ANKMY1: variants seen among roughly 807,000 people sequenced by gnomAD.
The protein encoded by ANKMY1 is ankyrin repeat and MYND domain containing 1, also known as ankyrin repeat and MYND domain-containing protein 1.
ANKMY1 carries 98 observed loss-of-function variants against 102.0 expected under a neutral mutation model. That is an observed-to-expected ratio of 0.96 (90% CI 0.82 to 1.14). The LOEUF (loss-of-function observed/expected upper bound fraction) is 1.14. Ranked by LOEUF, ANKMY1 falls within the 50% of genes most tolerant of loss-of-function variation. ANKMY1 has a pLI of 0.00. For missense variants in ANKMY1, 1,330 were observed against 1,347.6 expected, an observed-to-expected ratio of 0.99 and a Z score of 0.20; for synonymous variants, 582 against 559.9, an observed-to-expected ratio of 1.04 and a Z score of -0.56.
Position 240,479,530 on chromosome 2 carries a change from T to C in ANKMY1, c.*79A>G. 2 of 1,503,598 alleles carry C rather than the reference T, an allele frequency of 1.3e-6. No individual in the cohort carries two copies. Among genetic ancestry groups the C allele is most frequent in the African/African-American group, 1.4e-5 (1 of 72,640 alleles). 93.1% of individuals were successfully genotyped at this position (1,503,598 alleles called of 1,614,324 possible). A position where few individuals can be genotyped will look rare whatever the true frequency, so the allele number is the denominator to read the frequency against. On this transcript the variant is annotated 3_prime_UTR_variant, in exon 18 of 18. Coordinates refer to ENST00000401804, the MANE Select transcript of ANKMY1 (RefSeq NM_001282771.3). ...GAAATGCCTGCATTAGGCTGGAAGA[T>C]TCCCTGAGGTGGCTCAGGCAGGTAA...
intron 13 of ANKMY1, among the ~76,000 whole-genome samples, chr2:240,502,589 C>T (rs1050617541): frequency 2.0e-5 from 3 of 152,020 alleles, no homozygotes. Context: ...ACCACAGCCC[C>T]TCCCCATCTG....
At chr2:240,482,539 T>C (rs2075538354) in intron 15 of ANKMY1, among the ~76,000 whole-genome samples, 1 of 152,254 alleles carries the variant, frequency 6.6e-6, no homozygotes, top group Non-Finnish European at 1.5e-5. Flanking sequence ...CATTTCAAAG[T>C]GTTTCAAATT....
chr2:240,540,062 A>C (rs2088257817), intron 4 of ANKMY1, among the ~76,000 whole-genome samples: 1 of 152,238 alleles, frequency 6.6e-6, no homozygotes, highest in Non-Finnish European at 1.5e-5. Context: ...CAGGCCATCA[A>C]TCTTGCTATG....
upstream of ANKMY1, chr2:240,560,355 C>T: frequency 4.4e-6 from 1 of 225,048 alleles, no homozygotes; most frequent in Non-Finnish European, 8.6e-6. Context: ...CGCCCAAGAG[C>T]CACAGACGCA....
chr2:240,499,960 C>T lies in ANKMY1; in HGVS notation c.2804G>A (p.Arg935Lys), dbSNP rs750526880. 1.9e-6 allele frequency: 3 copies of T among 1,612,034 alleles called. No individual in the cohort carries two copies. The highest frequency in any genetic ancestry group is 3.3e-5 in the Admixed American group (2 of 59,902). The change falls in exon 15 of 18, where the codon AGA becomes AAA. Residue 935 changes from arginine (R) to lysine (K), a missense_variant and splice_region_variant. By Grantham distance (26) the Arg-to-Lys change is conservative. Coordinates refer to ENST00000401804, the MANE Select transcript of ANKMY1 (RefSeq NM_001282771.3). The surrounding 1 kb of genome is among the most constrained non-coding windows in gnomAD (Gnocchi z 4.2). ...WDPTWLYLCK[R>K]AELIPSHRMK... The stretch of plus-strand genomic sequence containing the variant: ...GCAGAGCAGGGCCCACTGCTCACCT[C>T]TCTTGCACAGGTACAGCCACGTGGG...
At chr2:240,528,368 G>A (rs2084399208) in intron 5 of ANKMY1, among the ~76,000 whole-genome samples, 2 of 150,118 alleles carry the variant, frequency 1.3e-5, no homozygotes, top group South Asian at 2.1e-4. Context: ...TAGGGTAGGA[G>A]GGTTTTTGGA....
intron 4 of ANKMY1, among the ~76,000 whole-genome samples, chr2:240,546,209 C>T (rs2090338324): frequency 6.6e-6 from 1 of 152,090 alleles, no homozygotes; most frequent in Non-Finnish European, 1.5e-5. Flanking sequence ...CAATATTCAA[C>T]ATTCTTAAAG....
chr2:240,491,739 C>T (rs945517329), intron 15 of ANKMY1, among the ~76,000 whole-genome samples: 15 of 152,200 alleles, frequency 9.9e-5, no homozygotes, highest in African/African-American at 3.4e-4. Flanking sequence ...TATACCACCC[C>T]ATTCTCTTAT....
intron 15 of ANKMY1, among the ~76,000 whole-genome samples, chr2:240,496,381 T>C (rs2077265605): frequency 1.3e-5 from 2 of 151,850 alleles, no homozygotes; most frequent in Non-Finnish European, 2.9e-5. Flanking sequence ...GATAGATAGA[T>C]AGATAGATAG....
At chr2:240,549,480 A>C (rs912448760) in intron 4 of ANKMY1, among the ~76,000 whole-genome samples, 8 of 152,256 alleles carry the variant, frequency 5.3e-5, no homozygotes, top group Non-Finnish European at 1.0e-4. Flanking sequence ...TAAAACACCA[A>C]AAGCAATGGC....
At chr2:240,542,735 T>TAG (rs1479465756) in intron 4 of ANKMY1, among the ~76,000 whole-genome samples, 5 of 149,194 alleles carry the variant, frequency 3.4e-5, no homozygotes, top group Non-Finnish European at 7.4e-5. Flanking sequence ...TATATATATA[T>TAG]ATATGTATAA....
At position 240,480,123 on chromosome 2, in the gene ANKMY1, C is replaced by T. The variant is rs186264112; in HGVS notation, c.3047-468G>A. Among the ~76,000 whole-genome samples, 418 of 152,244 alleles carry T rather than the reference C, an allele frequency of 2.7e-3. 2 individuals are homozygous for T. The highest frequency in any genetic ancestry group is 9.2e-3 in the African/African-American group (383 of 41,548). On this transcript the variant is annotated intron_variant, in intron 17 of 17. Coordinates refer to ENST00000401804, the MANE Select transcript of ANKMY1 (RefSeq NM_001282771.3). ...AGGAGAATCACTGGAACCGGGGAGGCGGAGGTTGCAGTGAGCCAAGATCAT... is the reference window on the plus strand; with the variant it reads ...AGGAGAATCACTGGAACCGGGGAGGTGGAGGTTGCAGTGAGCCAAGATCAT...
At chr2:240,538,383 C>T (rs953322166) in intron 4 of ANKMY1, among the ~76,000 whole-genome samples, 1 of 152,174 alleles carries the variant, frequency 6.6e-6, no homozygotes, top group African/African-American at 2.4e-5. Context: ...AGCCACCAGC[C>T]GGTGCCACTT....
At chr2:240,546,083 G>A (rs980040055) in intron 4 of ANKMY1, among the ~76,000 whole-genome samples, 4 of 152,010 alleles carry the variant, frequency 2.6e-5, no homozygotes, top group Admixed American at 6.6e-5. Context: ...TTGAAATGAA[G>A]GAAAAAATGT....
chr2:240,516,831 G>A (rs185409685), intron 9 of ANKMY1, among the ~76,000 whole-genome samples: 3 of 152,330 alleles, frequency 2.0e-5, no homozygotes, highest in Non-Finnish European at 2.9e-5. Flanking sequence ...TGCTAACCCA[G>A]TGTGAAGCAA....
Position 240,523,994 on chromosome 2 carries a change from G to C in ANKMY1, c.1723C>G (p.Leu575Val), listed in dbSNP as rs749105359. The C allele has an allele frequency of 6.2e-7, 1 of 1,613,948 alleles. No homozygotes were observed. The highest frequency in any genetic ancestry group is 1.7e-5 in the Admixed American group (1 of 60,036). ...CTGTGGGACTGGGCGCTTCTCTCCA[G>C]CATGGCCTGCGAGAGCTCGATGGAG... ...DFSIELSQAM[L>V]ERSAQSHSLL... Residue 575 changes from leucine to valine, a missense_variant, in exon 8 of 18, where the codon CTG becomes GTG. Transcript: ENST00000401804.
chr2:240,520,547 T>TGC lies in ANKMY1; in HGVS notation c.1833-16_1833-15dup. The TGC allele has an allele frequency of 1.9e-6, 3 of 1,605,808 alleles. No individual in the cohort carries two copies. The Middle Eastern group carries it at 5.0e-4, about 270-fold the overall frequency. ...CGCTTCCTCCGCCTGAAAAAGACGG[T>TGC]GCGCCCGTGGGCCCCTGGAGGGCAG... On this transcript the variant is annotated splice_polypyrimidine_tract_variant and intron_variant, in intron 8 of 17. Transcript: ENST00000401804. This position sits in a 1 kb window ranked among gnomAD's most constrained non-coding sequence, Gnocchi z 4.8.
At chr2:240,517,438 C>T (rs2081380275) in intron 9 of ANKMY1, among the ~76,000 whole-genome samples, 1 of 152,120 alleles carries the variant, frequency 6.6e-6, no homozygotes, top group Non-Finnish European at 1.5e-5. Flanking sequence ...CTTGGCTTGG[C>T]CTGAGAGGTC....
At chr2:240,479,850 A>G (rs2075145820) in intron 17 of ANKMY1, among the ~76,000 whole-genome samples, 195 bp from the exon 18 acceptor site, 1 of 152,100 alleles carries the variant, frequency 6.6e-6, no homozygotes, top group Non-Finnish European at 1.5e-5. Flanking sequence ...GGCCTGCCAC[A>G]CCCACCAAGT....
Sources: gnomAD v4.1 joint callset for allele counts (sites outside exome capture counted in the v4.1 genomes callset) on GRCh38, gnomAD v4.1.1 for gene constraint, Gnocchi (gnomAD v3.1) non-coding constraint, MANE v1.5 for transcripts, NCBI Gene and HGNC (gene_info 2026-07-23, HGNC 2026-07-21) for gene names.